AGL: variants seen among roughly 807,000 people sequenced by gnomAD.
The protein encoded by AGL is glycogen debranching enzyme.
Under a neutral mutation model 199.3 loss-of-function variants are expected in AGL, and 128 were observed. The ratio of observed to expected loss-of-function variants is 0.64; its 90% confidence interval spans 0.56 to 0.74. The LOEUF is 0.74. AGL is among the 30% of genes least tolerant of loss of function. AGL has a pLI of 0.00. For synonymous variants in AGL, 584 were observed against 594.7 expected (o/e 0.98, Z 0.26); for missense variants, 1,809 against 1,820.8 (o/e 0.99, Z 0.12).
intron 31 of AGL, among the ~76,000 whole-genome samples, chr1:99,915,708 C>T (rs1655065771): frequency 6.6e-6 from 1 of 151,912 alleles, no homozygotes; most frequent in East Asian, 1.9e-4. Context: ...GAGATCAAGG[C>T]TGTAGTGAGC....
intron 33 of AGL, among the ~76,000 whole-genome samples, chr1:99,920,412 G>A (rs918742679): frequency 3.3e-5 from 5 of 152,134 alleles, no homozygotes; most frequent in South Asian, 2.1e-4. Context: ...GCAGTGACCC[G>A]ATTTCCAAAC....
At chr1:99,907,965 G>A (rs184282461) in intron 27 of AGL, among the ~76,000 whole-genome samples, 1 of 152,040 alleles carries the variant, frequency 6.6e-6, no homozygotes, top group African/African-American at 2.4e-5. Context: ...CATATTGTGG[G>A]TTGTCTATTC....
rs778565328 is a variant in AGL at position 99,910,886 on chromosome 1, C to A, written c.3836+39C>A. The stretch of plus-strand genomic sequence containing the variant: ...TATAATGCTGTGTAATTATACCCTT[C>A]TTTAAGAAAGCACTTACTTGTGGAA... On this transcript the variant is annotated intron_variant, in intron 28 of 33. Transcript: ENST00000361915. 2.5e-6 allele frequency: 4 copies of A among 1,593,854 alleles called. No homozygotes were observed. In the East Asian group the frequency reaches 9.1e-5, roughly 36 times the overall value.
At chr1:99,885,946 C>T (rs1228400586) in intron 20 of AGL, among the ~76,000 whole-genome samples, 1 of 152,086 alleles carries the variant, frequency 6.6e-6, no homozygotes, top group South Asian at 2.1e-4. Context: ...GAAACCAGTC[C>T]CTGGTGCCAA....
intron 17 of AGL, among the ~76,000 whole-genome samples, chr1:99,882,980 A>G (rs1652171725): frequency 1.3e-5 from 2 of 152,174 alleles, no homozygotes; most frequent in Non-Finnish European, 1.5e-5. Context: ...GTTTTATAGG[A>G]CAACAATCAC....
intron 23 of AGL, 148 bp downstream of exon 23, chr1:99,891,887 C>A: frequency 2.2e-6 from 2 of 895,302 alleles, no homozygotes; most frequent in South Asian, 2.8e-5. Flanking sequence ...TTATTAGCAT[C>A]CTTTAGTCTG....
chr1:99,899,685 A>G (rs556340472), intron 25 of AGL, among the ~76,000 whole-genome samples: 11 of 151,056 alleles, frequency 7.3e-5, no homozygotes, highest in African/African-American at 1.2e-4. Flanking sequence ...CCGTGGCGCA[A>G]TCTCCGCTCA....
At chr1:99,861,079 C>A in intron 2 of AGL, 1 of 633,174 alleles carries the variant, frequency 1.6e-6, no homozygotes, top group Non-Finnish European at 2.1e-6. Flanking sequence ...CTATCACATA[C>A]TTTCTGACAC....
At chr1:99,921,155 A>G (rs1459052894) in intron 33 of AGL, among the ~76,000 whole-genome samples, 1 of 152,002 alleles carries the variant, frequency 6.6e-6, no homozygotes, top group Non-Finnish European at 1.5e-5. Flanking sequence ...GTGTTTCTTC[A>G]TTACTTTTAC....
chr1:99,886,965 C>T (rs572531543), intron 20 of AGL, among the ~76,000 whole-genome samples: 21 of 152,172 alleles, frequency 1.4e-4, no homozygotes, highest in African/African-American at 4.8e-4. Context: ...TTTATAAGAT[C>T]CCCAGGTAAT....
chr1:99,897,461 A>G (rs1181496194), intron 25 of AGL, among the ~76,000 whole-genome samples: 1 of 152,266 alleles, frequency 6.6e-6, no homozygotes, highest in Non-Finnish European at 1.5e-5. Context: ...CATCAGGAAA[A>G]TAACTGAAGT....
chr1:99,881,014 A>T, intron 14 of AGL, 62 bp from the exon 15 acceptor site: 1 of 1,396,450 alleles, frequency 7.2e-7, no homozygotes, highest in Non-Finnish European at 1.0e-6. Context: ...TCATTATGCT[A>T]TAGAATAGCA....
At chr1:99,888,312 T>C (rs1652617787) in intron 21 of AGL, among the ~76,000 whole-genome samples, 1 of 152,188 alleles carries the variant, frequency 6.6e-6, no homozygotes, top group Non-Finnish European at 1.5e-5. Context: ...AATAATATTA[T>C]CTAATTTAGA....
intron 10 of AGL, among the ~76,000 whole-genome samples, chr1:99,876,195 T>C (rs1159917986): frequency 6.6e-6 from 1 of 152,220 alleles, no homozygotes; most frequent in Admixed American, 6.5e-5. Flanking sequence ...TTTTTTAAAA[T>C]AATTTTATGA....
chr1:99,906,869 AT>A (rs1316021328), intron 27 of AGL, among the ~76,000 whole-genome samples: 1 of 152,102 alleles, frequency 6.6e-6, no homozygotes, highest in Non-Finnish European at 1.5e-5. Flanking sequence ...TCCTGCTTTC[AT>A]TTTTATGTAT....
chr1:99,900,323 A>G (rs1372544002), intron 25 of AGL, among the ~76,000 whole-genome samples: 3 of 152,202 alleles, frequency 2.0e-5, no homozygotes, highest in Non-Finnish European at 2.9e-5. Flanking sequence ...TTGAAATACC[A>G]TAGACTTCAA....
chr1:99,870,622 A>T (rs754816772), intron 6 of AGL, 41 bp downstream of exon 6: 7 of 1,604,946 alleles, frequency 4.4e-6, no homozygotes, highest in Non-Finnish European at 6.0e-6. Context: ...AACAGAAAAA[A>T]TTTCTAAAGC....
At position 99,864,505 on chromosome 1, in the gene AGL, TG is replaced by T. The variant is rs1650336680; in HGVS notation, c.582del (p.Trp194Ter). 1.9e-6 allele frequency: 3 copies of T among 1,613,928 alleles called. No homozygotes were observed. Among genetic ancestry groups the T allele is most frequent in the Non-Finnish European group, 2.5e-6 (3 of 1,179,878 alleles). ...DFSRPNRKYT[W>X]NDVGQLVEKL... ...TTCAAGACCTAATAGAAAGTATACC[TG>T]GAATGATGTTGGACAGCTAGTGGAA... On this transcript the variant is annotated frameshift_variant, in exon 5 of 34. Coordinates refer to ENST00000361915, the MANE Select transcript of AGL (RefSeq NM_000642.3). LOFTEE classifies it high-confidence loss of function.
chr1:99,891,118 C>A lies in AGL; in HGVS notation c.2813-102C>A, dbSNP rs1382005721. Reference sequence around the variant, plus strand: ...TGTGTGTGCCTCTAATACGTATTCACCCCAAATCACTAGAATAGAGACTAG... The same window carrying A: ...TGTGTGTGCCTCTAATACGTATTCAACCCAAATCACTAGAATAGAGACTAG... On this transcript the variant is annotated intron_variant, in intron 21 of 33. Coordinates refer to ENST00000361915, the MANE Select transcript of AGL (RefSeq NM_000642.3). 4 of 1,459,972 alleles carry A rather than the reference C, an allele frequency of 2.7e-6. No individual in the cohort carries two copies. In the Admixed American group the frequency reaches 5.1e-5, roughly 19 times the overall value. 90.4% of individuals were successfully genotyped at this position (1,459,972 alleles called of 1,614,324 possible).
Sources: gnomAD v4.1 joint callset for allele counts (sites outside exome capture counted in the v4.1 genomes callset) on GRCh38, gnomAD v4.1.1 for gene constraint, MANE v1.5 for transcripts, NCBI Gene and HGNC (gene_info 2026-07-23, HGNC 2026-07-21) for gene names.